GPC6: variants seen among roughly 807,000 people sequenced by gnomAD.
GPC6 encodes the protein glypican 6, also known as glypican-6.
A neutral mutation model predicts 55.2 loss-of-function variants in GPC6; 14 were observed. That is an observed-to-expected ratio of 0.25 (90% confidence interval 0.17 to 0.40). The LOEUF is 0.40. Ranked by LOEUF, GPC6 falls within the 10% of genes least tolerant of loss-of-function variation. GPC6 has a pLI of 1.00. For synonymous variants in GPC6, 278 were observed against 259.6 expected, an observed-to-expected ratio of 1.07 and a Z score of -0.68; for missense variants, 641 against 708.5, an observed-to-expected ratio of 0.90 and a Z score of 1.08.
intron 2 of GPC6, among the ~76,000 whole-genome samples, chr13:93,736,684 A>C (rs2138843253): frequency 6.6e-6 from 1 of 152,358 alleles, no homozygotes; most frequent in South Asian, 2.1e-4. Context: ...TACTACAAAT[A>C]AATTTGATGT....
At chr13:93,785,106 A>T (rs1382444649) in intron 2 of GPC6, among the ~76,000 whole-genome samples, 1 of 152,188 alleles carries the variant, frequency 6.6e-6, no homozygotes, top group Non-Finnish European at 1.5e-5. Flanking sequence ...TTTCAAGAAG[A>T]AAAAGGGCAC....
chr13:93,561,360 A>T (rs1186257784), intron 2 of GPC6, among the ~76,000 whole-genome samples: 1 of 145,010 alleles, frequency 6.9e-6, no homozygotes, highest in Non-Finnish European at 1.5e-5. Context: ...TTTTAGTAAG[A>T]TTGATACACA....
chr13:94,127,923 G>A (rs1209214169), intron 4 of GPC6, among the ~76,000 whole-genome samples: 1 of 152,110 alleles, frequency 6.6e-6, no homozygotes, highest in African/African-American at 2.4e-5. Context: ...AGCCAAATTA[G>A]GAATTAGAAG....
intron 4 of GPC6, among the ~76,000 whole-genome samples, chr13:94,229,999 A>G (rs766140168): frequency 2.0e-5 from 3 of 152,168 alleles, no homozygotes; most frequent in East Asian, 3.9e-4. Flanking sequence ...GTGTGGTAGC[A>G]GGAAAAGAAC....
chr13:93,227,606 G>A lies in GPC6; in HGVS notation c.150G>A (p.Gln50=). 1.2e-6 allele frequency: 2 copies of A among 1,604,692 alleles called. No homozygotes were observed. The highest frequency in any genetic ancestry group is 1.7e-6 in the Non-Finnish European group (2 of 1,177,446). ...TCAGCCTGGCGGACATCCCCTACCA[G>A]GAGATCGCAGGTAAGCGCGGGCGCG... The part of the protein sequence containing the change: ...KGFSLADIPY[Q]EIAGEHLRIC... Residue 50 remains glutamine (Q), a synonymous_variant, in exon 1 of 9, where the codon CAG becomes CAA. Coordinates refer to ENST00000377047, the MANE Select transcript of GPC6 (RefSeq NM_005708.5). This position sits in a 1 kb window ranked among gnomAD's most constrained non-coding sequence, Gnocchi z 4.3.
At chr13:93,414,137 C>T (rs957077408) in intron 1 of GPC6, among the ~76,000 whole-genome samples, 3 of 152,082 alleles carry the variant, frequency 2.0e-5, no homozygotes, top group African/African-American at 7.2e-5. Flanking sequence ...TCTTAACTAG[C>T]GACCTTTGAG....
At chr13:94,287,421 G>A (rs1337399979) in intron 5 of GPC6, among the ~76,000 whole-genome samples, 1 of 152,168 alleles carries the variant, frequency 6.6e-6, no homozygotes, top group Non-Finnish European at 1.5e-5. Context: ...CAGAGGAGGG[G>A]ACAGGTAGTA....
At chr13:93,877,562 G>T (rs1566581733) in intron 3 of GPC6, among the ~76,000 whole-genome samples, 1 of 151,862 alleles carries the variant, frequency 6.6e-6, no homozygotes, top group Non-Finnish European at 1.5e-5. Flanking sequence ...ATATTGTCTT[G>T]TAGCTTCATA....
chr13:94,368,163 A>AG (rs1486411395), intron 6 of GPC6, among the ~76,000 whole-genome samples: 1 of 151,628 alleles, frequency 6.6e-6, no homozygotes, highest in Non-Finnish European at 1.5e-5. Flanking sequence ...AAAAAAAAAA[A>AG]AAAGTACCAC....
intron 2 of GPC6, among the ~76,000 whole-genome samples, chr13:93,640,779 C>CCTTCTTT: frequency 8.2e-5 from 6 of 73,354 alleles, no homozygotes; most frequent in African/African-American, 3.9e-4. Context: ...CACTTTCCTT[C>CCTTCTTT]CCTCCCTCCC....
intron 4 of GPC6, among the ~76,000 whole-genome samples, chr13:94,109,790 T>C (rs1265352106): frequency 1.3e-5 from 2 of 152,036 alleles, no homozygotes; most frequent in Admixed American, 6.6e-5. Flanking sequence ...GCTAAAATAA[T>C]TGAATTTGTA....
At chr13:94,050,960 A>G (rs1001517719) in intron 4 of GPC6, among the ~76,000 whole-genome samples, 5 of 152,156 alleles carry the variant, frequency 3.3e-5, no homozygotes, top group Non-Finnish European at 7.3e-5. Context: ...AACCAGGGCA[A>G]TCAAATGTCC....
intron 2 of GPC6, among the ~76,000 whole-genome samples, chr13:93,740,158 C>A (rs1884152789): frequency 6.6e-6 from 1 of 151,496 alleles, no homozygotes; most frequent in African/African-American, 2.4e-5. Flanking sequence ...AATTACAAAT[C>A]ACTAGAGAAT....
intron 1 of GPC6, among the ~76,000 whole-genome samples, chr13:93,477,193 G>C (rs1299654796): frequency 6.6e-6 from 1 of 151,958 alleles, no homozygotes; most frequent in Non-Finnish European, 1.5e-5. Flanking sequence ...AAACAAAAGT[G>C]ATATTTTAGA....
chr13:94,052,319 A>G (rs1020594099), intron 4 of GPC6, among the ~76,000 whole-genome samples: 3 of 152,194 alleles, frequency 2.0e-5, no homozygotes, highest in South Asian at 4.1e-4. Context: ...AAATGGTGCA[A>G]TGAAGGTACT....
chr13:93,604,813 C>T (rs1878171806), intron 2 of GPC6, among the ~76,000 whole-genome samples: 1 of 149,780 alleles, frequency 6.7e-6, no homozygotes, highest in Admixed American at 6.6e-5. Context: ...CAGTATCCAC[C>T]TCGTAACTGG....
intron 4 of GPC6, among the ~76,000 whole-genome samples, chr13:94,033,450 G>A (rs2138728524): frequency 6.6e-6 from 1 of 152,200 alleles, no homozygotes; most frequent in East Asian, 1.9e-4. Context: ...TTTGTGTTTG[G>A]GAAAATGTTG....
intron 2 of GPC6, 105 bp downstream of exon 2, chr13:93,545,526 C>G: frequency 1.1e-6 from 1 of 935,024 alleles, no homozygotes; most frequent in Non-Finnish European, 1.8e-6. Context: ...TTTTCTATCC[C>G]TCTTAAATAT....
intron 1 of GPC6, among the ~76,000 whole-genome samples, chr13:93,341,702 T>A (rs1880260012): frequency 6.6e-6 from 1 of 151,944 alleles, no homozygotes; most frequent in Non-Finnish European, 1.5e-5. Flanking sequence ...CTGCTTTTTT[T>A]TTTTTTCTTT....
Sources: allele counts gnomAD v4.1 joint callset (sites outside exome capture counted in the v4.1 genomes callset), GRCh38; gene constraint gnomAD v4.1.1; non-coding constraint Gnocchi (gnomAD v3.1); transcripts MANE v1.5; gene names NCBI Gene and HGNC (gene_info 2026-07-23, HGNC 2026-07-21).